CCDC7: variants seen among roughly 807,000 people sequenced by gnomAD.
CCDC7 encodes the protein coiled-coil domain-containing protein 7.
CCDC7 carries 183 observed loss-of-function variants against 196.9 expected under a neutral mutation model. That is an observed-to-expected ratio of 0.93 (90% CI 0.82 to 1.05). The LOEUF (loss-of-function observed/expected upper bound fraction) is 1.05, where lower values mean the gene tolerates loss of function less well. Ranked by LOEUF, CCDC7 falls within the 50% of genes least tolerant of loss-of-function variation. The pLI is 0.00. For synonymous variants in CCDC7, 525 were observed against 484.6 expected, an observed-to-expected ratio of 1.08 and a Z score of -1.10; for missense variants, 1,540 against 1,482.2, an observed-to-expected ratio of 1.04 and a Z score of -0.64.
chr10:32,614,875 A>G (rs187297958), intron 18 of CCDC7, among the ~76,000 whole-genome samples: 132 of 152,304 alleles, frequency 8.7e-4, no homozygotes, highest in African/African-American at 3.1e-3. Flanking sequence ...AGCTCCACTT[A>G]TAAGTGAGAA....
At chr10:32,447,284 C>T (rs2254201), upstream of CCDC7, among the ~76,000 whole-genome samples, 122,186 of 152,024 alleles carry the variant, frequency 0.8, 50,439 homozygotes, top group Non-Finnish European at 0.9. Context: ...TTTTACTTGA[C>T]TCAGCATTTG....
intron 41 of CCDC7, among the ~76,000 whole-genome samples, chr10:32,860,818 A>G (rs1010265208): frequency 6.6e-6 from 1 of 152,170 alleles, no homozygotes; most frequent in African/African-American, 2.4e-5. Context: ...CAATTGCTAC[A>G]AAGAGAATCA....
intron 3 of CCDC7, among the ~76,000 whole-genome samples, chr10:32,461,729 A>ATG (rs548019149): frequency 5.2e-4 from 44 of 85,398 alleles, no homozygotes; most frequent in African/African-American, 2.2e-3. Context: ...ATATATATAT[A>ATG]TGTATATATA....
intron 21 of CCDC7, among the ~76,000 whole-genome samples, chr10:32,673,017 G>A (rs1443019331): frequency 3.3e-5 from 5 of 151,986 alleles, no homozygotes; most frequent in East Asian, 1.9e-4. Flanking sequence ...TTTTCCATGT[G>A]GATACTCTGT....
At position 32,596,069 on chromosome 10, in the gene CCDC7, C is replaced by T. The variant is rs565347089; in HGVS notation, c.1801+11765C>T. On this transcript the variant is annotated intron_variant, in intron 18 of 41. Transcript: ENST00000639629. ...AGATGTCTATTAGGTCCACTTGTTG[C>T]AGAGCTGAGTTCATTTCCTGGATAT... 5.4e-3 allele frequency among the ~76,000 whole-genome samples: 816 copies of T among 152,258 alleles called. 3 individuals carry two copies. Among genetic ancestry groups the T allele is most frequent in the South Asian group, 9.5e-3 (46 of 4,828 alleles).
chr10:32,458,891 T>C (rs1038360947), intron 3 of CCDC7, among the ~76,000 whole-genome samples: 2 of 152,264 alleles, frequency 1.3e-5, no homozygotes, highest in South Asian at 2.1e-4. Context: ...TTAAGCCCAG[T>C]ATTAATATTA....
At chr10:32,722,368 T>C (rs1401837137) in intron 25 of CCDC7, among the ~76,000 whole-genome samples, 3 of 152,134 alleles carry the variant, frequency 2.0e-5, no homozygotes, top group Non-Finnish European at 2.9e-5. Context: ...AGCGATCTAC[T>C]TCCCAGTGGT....
chr10:32,728,245 G>A (rs1483373074), intron 26 of CCDC7, among the ~76,000 whole-genome samples: 1 of 152,126 alleles, frequency 6.6e-6, no homozygotes, highest in Non-Finnish European at 1.5e-5. Context: ...TAGGTAAAGT[G>A]ATCTCAGAAG....
At chr10:32,595,041 T>C (rs1451163843) in intron 18 of CCDC7, among the ~76,000 whole-genome samples, 1 of 152,222 alleles carries the variant, frequency 6.6e-6, no homozygotes, top group Non-Finnish European at 1.5e-5. Context: ...TAGGCTTTGG[T>C]ATCAGGATGA....
chr10:32,527,728 C>G (rs2048893696), intron 11 of CCDC7, among the ~76,000 whole-genome samples: 1 of 152,070 alleles, frequency 6.6e-6, no homozygotes, highest in South Asian at 2.1e-4. Context: ...TATATCCACA[C>G]AAGGGTAGTG....
intron 5 of CCDC7, among the ~76,000 whole-genome samples, chr10:32,468,128 C>A (rs2037222494): frequency 1.3e-5 from 2 of 152,060 alleles, no homozygotes; most frequent in Admixed American, 6.6e-5. Flanking sequence ...TGAAGAATTT[C>A]ATTGTTAGTT....
intron 22 of CCDC7, among the ~76,000 whole-genome samples, chr10:32,686,544 G>A (rs1177780565): frequency 1.3e-5 from 2 of 152,226 alleles, no homozygotes; most frequent in African/African-American, 2.4e-5. Context: ...AGGGCATTCT[G>A]TTGGTTGGGG....
chr10:32,639,340 A>T (rs1175592818), intron 20 of CCDC7, among the ~76,000 whole-genome samples: 1 of 151,680 alleles, frequency 6.6e-6, no homozygotes, highest in African/African-American at 2.4e-5. Flanking sequence ...TGTCCATTTT[A>T]GATCTTTCCT....
intron 41 of CCDC7, among the ~76,000 whole-genome samples, chr10:32,875,112 C>A (rs1055450635): frequency 4.0e-5 from 6 of 151,806 alleles, no homozygotes; most frequent in African/African-American, 1.5e-4. Context: ...AAGTATTTGG[C>A]TTTATTTTTG....
At chr10:32,483,029 G>A (rs546326090) in intron 8 of CCDC7, among the ~76,000 whole-genome samples, 2 of 152,244 alleles carry the variant, frequency 1.3e-5, no homozygotes, top group African/African-American at 2.4e-5. Flanking sequence ...TGGGATTGCT[G>A]GGTCAAATGG....
intron 33 of CCDC7, among the ~76,000 whole-genome samples, chr10:32,842,920 T>C (rs904570921): frequency 6.6e-6 from 1 of 151,862 alleles, no homozygotes; most frequent in South Asian, 2.1e-4. Context: ...AATGGTATGT[T>C]GGACTTTGGG....
chr10:32,503,683 G>C (rs921565889), intron 9 of CCDC7, among the ~76,000 whole-genome samples: 1 of 152,164 alleles, frequency 6.6e-6, no homozygotes, highest in Non-Finnish European at 1.5e-5. Context: ...GATTTTTGAA[G>C]AGTTTGAGAA....
At chr10:32,867,309 G>A (rs1281331593) in intron 41 of CCDC7, among the ~76,000 whole-genome samples, 1 of 151,444 alleles carries the variant, frequency 6.6e-6, no homozygotes, top group Non-Finnish European at 1.5e-5. Context: ...CGGGTAAAGA[G>A]ACATTATGTT....
At chr10:32,696,308 C>T (rs575222602) in intron 24 of CCDC7, among the ~76,000 whole-genome samples, 1 of 152,186 alleles carries the variant, frequency 6.6e-6, no homozygotes, top group African/African-American at 2.4e-5. Context: ...TTATCTATTT[C>T]CTCCTCATTC....
Sources: gnomAD v4.1 joint callset for allele counts (sites outside exome capture counted in the v4.1 genomes callset) on GRCh38, gnomAD v4.1.1 for gene constraint, MANE v1.5 for transcripts, NCBI Gene and HGNC (gene_info 2026-07-23, HGNC 2026-07-21) for gene names.